The following ERG variants were observed in gnomAD, a reference collection of about 807,000 sequenced individuals.
ERG encodes transcriptional regulator ERG.
Under a neutral mutation model 55.3 loss-of-function variants are expected in ERG, and 9 were observed. The observed-to-expected ratio is 0.16, with a 90% CI of 0.10 to 0.28. ERG has a LOEUF of 0.28. ERG is among the 10% of genes least tolerant of loss of function. The pLI, the probability that ERG is intolerant of heterozygous loss-of-function variation, is 1.00. For synonymous variants in ERG, 223 were observed against 237.3 expected (o/e 0.94, Z 0.55); for missense variants, 434 against 631.6 (o/e 0.69, Z 3.35).
rs116935527 is a variant in ERG at position 38,514,540 on chromosome 21, A to G, written c.-41+61122T>C. 2.3e-3 allele frequency among the ~76,000 whole-genome samples: 353 copies of G among 152,094 alleles called. 5 individuals are homozygous for G. The East Asian group carries it at 0.037, about 16-fold the overall frequency. ...AGAAAAGCACTTAATAACATTCAACATTCATATTAAAAATTCTTAGTAAAT... is the reference window on the plus strand; with the variant it reads ...AGAAAAGCACTTAATAACATTCAACGTTCATATTAAAAATTCTTAGTAAAT... On this transcript the variant is annotated intron_variant, in intron 2 of 8. Transcript: ENST00000398897.
At chr21:38,656,603 A>T (rs2060520748) in intron 1 of ERG, among the ~76,000 whole-genome samples, 1 of 152,046 alleles carries the variant, frequency 6.6e-6, no homozygotes, top group Non-Finnish European at 1.5e-5. Context: ...GAGCCCCAAG[A>T]ATGCATAGCC....
chr21:38,626,955 C>A (rs374981894), intron 1 of ERG, among the ~76,000 whole-genome samples: 1 of 151,596 alleles, frequency 6.6e-6, no homozygotes. Flanking sequence ...TTTATGTAGC[C>A]ATAAACTACA....
chr21:38,447,786 C>T (rs1426637486), intron 1 of ERG, among the ~76,000 whole-genome samples: 1 of 152,102 alleles, frequency 6.6e-6, no homozygotes, highest in South Asian at 2.1e-4. Flanking sequence ...TGCTGCCTCT[C>T]TCCTTCCTGG....
chr21:38,370,423 A>T, the ERG span, among the ~76,000 whole-genome samples: 1 of 152,192 alleles, frequency 6.6e-6, no homozygotes, highest in Non-Finnish European at 1.5e-5. Flanking sequence ...AACACCCTTA[A>T]TGTTAATATA....
At chr21:38,391,777 G>A (rs1422994779) in intron 7 of ERG, 62 bp from the exon 8 acceptor site, 2 of 1,293,568 alleles carry the variant, frequency 1.5e-6, no homozygotes, top group South Asian at 2.4e-5. Context: ...AGTCTTTGAT[G>A]TTGTTGCATA....
intron 1 of ERG, among the ~76,000 whole-genome samples, chr21:38,492,210 A>G (rs1169527299): frequency 6.6e-6 from 1 of 152,228 alleles, no homozygotes; most frequent in East Asian, 1.9e-4. Context: ...CTTATCTGTA[A>G]GAAAGCAGCA....
chr21:38,581,854 T>C (rs919244952), intron 1 of ERG, among the ~76,000 whole-genome samples: 1 of 151,976 alleles, frequency 6.6e-6, no homozygotes, highest in African/African-American at 2.4e-5. Flanking sequence ...CCATCCTGGT[T>C]AACACGGTGA....
Position 38,383,232 on chromosome 21 carries a change from C to G in ERG, c.*171G>C. ...CATCCTCCTCATTTCTGTAGTAAGA[C>G]TTCAGTAACTCCCTCCCAAGAGTCT... On this transcript the variant is annotated 3_prime_UTR_variant, in exon 10 of 10. Coordinates refer to ENST00000288319, the MANE Select transcript of ERG (RefSeq NM_182918.4). This position sits in a 1 kb window ranked among gnomAD's most constrained non-coding sequence, Gnocchi z 5.7. 1 of 1,307,716 alleles carries G rather than the reference C, an allele frequency of 7.6e-7. No individual in the cohort carries two copies. The highest frequency in any genetic ancestry group is 9.7e-7 in the Non-Finnish European group (1 of 1,029,870). The allele number at this position is 1,307,716 out of a possible 1,614,324, so 81.0% of individuals were successfully genotyped here.
At chr21:38,615,291 A>T (rs2060251866) in intron 1 of ERG, among the ~76,000 whole-genome samples, 1 of 152,190 alleles carries the variant, frequency 6.6e-6, no homozygotes, top group African/African-American at 2.4e-5. Context: ...ACATGAGATG[A>T]TATAAAATAA....
chr21:38,478,095 A>G (rs185562496), intron 1 of ERG, among the ~76,000 whole-genome samples: 3 of 152,360 alleles, frequency 2.0e-5, no homozygotes, highest in African/African-American at 7.2e-5. Flanking sequence ...GGCTGAGCCT[A>G]TCTCACTTAT....
chr21:38,450,001 T>C (rs2058926005), intron 1 of ERG, among the ~76,000 whole-genome samples: 1 of 152,096 alleles, frequency 6.6e-6, no homozygotes, highest in African/African-American at 2.4e-5. Flanking sequence ...TTCAATGTTT[T>C]CAAGTCTTAT....
intron 2 of ERG, among the ~76,000 whole-genome samples, chr21:38,572,355 G>A (rs937695111): frequency 6.9e-5 from 9 of 131,160 alleles, no homozygotes; most frequent in Non-Finnish European, 1.4e-4. Flanking sequence ...GCAACAAAGC[G>A]AGACTCCATC....
chr21:38,452,106 A>G (rs769572804), intron 1 of ERG, among the ~76,000 whole-genome samples: 20 of 152,104 alleles, frequency 1.3e-4, no homozygotes, highest in Non-Finnish European at 2.1e-4. Context: ...GGAAAAATGT[A>G]TGTAGGCAAA....
At chr21:38,452,873 A>G (rs2058954349) in intron 1 of ERG, among the ~76,000 whole-genome samples, 1 of 152,220 alleles carries the variant, frequency 6.6e-6, no homozygotes, top group Non-Finnish European at 1.5e-5. Context: ...TTATTCAAAT[A>G]TAAGCATTTT....
At chr21:38,603,932 C>G (rs2060180184) in intron 1 of ERG, among the ~76,000 whole-genome samples, 1 of 150,940 alleles carries the variant, frequency 6.6e-6, no homozygotes, top group Non-Finnish European at 1.5e-5. Context: ...GTATTGGCAT[C>G]TTGATTTCCT....
At chr21:38,596,787 T>TG (rs1238817826) in intron 1 of ERG, among the ~76,000 whole-genome samples, 1 of 152,200 alleles carries the variant, frequency 6.6e-6, no homozygotes, top group Non-Finnish European at 1.5e-5. Context: ...CTGAAGAACA[T>TG]GGTTGGTTTC....
At chr21:38,539,353 T>C (rs1016483668) in intron 2 of ERG, among the ~76,000 whole-genome samples, 2 of 152,198 alleles carry the variant, frequency 1.3e-5, no homozygotes, top group Admixed American at 6.5e-5. Context: ...AAGTATCTCA[T>C]TAGTCATTTT....
chr21:38,637,231 C>T (rs182889955), intron 1 of ERG, among the ~76,000 whole-genome samples: 14 of 152,088 alleles, frequency 9.2e-5, no homozygotes, highest in African/African-American at 3.1e-4. Context: ...ATATGTGTGT[C>T]ATTTTGTGTT....
At chr21:38,399,111 C>T (rs1331369056) in intron 6 of ERG, among the ~76,000 whole-genome samples, 1 of 152,202 alleles carries the variant, frequency 6.6e-6, no homozygotes, top group Admixed American at 6.5e-5. Context: ...CTTGCAGACT[C>T]TAGGCACTGG....
Sources: allele counts gnomAD v4.1 joint callset (sites outside exome capture counted in the v4.1 genomes callset), GRCh38; gene constraint gnomAD v4.1.1; non-coding constraint Gnocchi (gnomAD v3.1); transcripts MANE v1.5; gene names NCBI Gene and HGNC (gene_info 2026-07-23, HGNC 2026-07-21).